The following PEAK1 variants were observed in gnomAD, a reference collection of about 807,000 sequenced individuals.
The protein encoded by PEAK1 is inactive tyrosine-protein kinase PEAK1.
A neutral mutation model predicts 124.7 loss-of-function variants in PEAK1; 54 were observed. The observed-to-expected ratio is 0.43, with a 90% CI of 0.35 to 0.54. The LOEUF is 0.54. PEAK1 is among the 20% of genes least tolerant of loss of function. PEAK1 has a pLI of 0.01. For missense variants in PEAK1, 2,046 were observed against 2,134.5 expected, an observed-to-expected ratio of 0.96 and a Z score of 0.82; for synonymous variants, 719 against 760.0, an observed-to-expected ratio of 0.95 and a Z score of 0.89.
chr15:77,325,604 C>T (rs1233264025), intron 2 of PEAK1, among the ~76,000 whole-genome samples: 1 of 151,998 alleles, frequency 6.6e-6, no homozygotes, highest in South Asian at 2.1e-4. Context: ...TTTCCATTTT[C>T]TTGGCAAATG....
Position 77,158,630 on chromosome 15 carries a change from T to C in PEAK1, c.3204A>G (p.Gln1068=). Residue 1068 remains glutamine, a synonymous_variant, in exon 8 of 10, where the codon CAA becomes CAG. Coordinates refer to ENST00000682557, the MANE Select transcript of PEAK1 (RefSeq NM_001385026.1). ...PRDPRTVVGK[Q]DGRGCTSVTT... ...TGACTGAAGTGCAGCCCCTGCCATC[T>C]TGCTTCCCAACAACAGTTCTTGGAT... The C allele has an allele frequency of 6.2e-7, 1 of 1,614,172 alleles. No homozygotes were observed.
intron 6 of PEAK1, among the ~76,000 whole-genome samples, chr15:77,219,078 G>A (rs2059271172): frequency 1.3e-5 from 2 of 152,118 alleles, no homozygotes; most frequent in South Asian, 4.1e-4. Context: ...ATTTTAGACA[G>A]AAGGATAACA....
Position 77,335,733 on chromosome 15 carries a change from C to T in PEAK1, c.-603+29430G>A. 4 of 962,228 alleles carry T rather than the reference C, an allele frequency of 4.2e-6. No homozygotes were observed. The South Asian group carries it at 1.9e-4, about 46-fold the overall frequency. The allele number at this position is 962,228 out of a possible 1,614,324, so 59.6% of individuals were successfully genotyped here. On this transcript the variant is annotated intron_variant, in intron 2 of 9. Coordinates refer to ENST00000682557, the MANE Select transcript of PEAK1 (RefSeq NM_001385026.1). Reference sequence around the variant, plus strand: ...CTCAAACTACTGACCTCAAATAATCCTCCCACTTCAGCCTCCCAAAGTGCT... The same window carrying T: ...CTCAAACTACTGACCTCAAATAATCTTCCCACTTCAGCCTCCCAAAGTGCT...
At chr15:77,224,806 T>A (rs2152885258) in intron 6 of PEAK1, among the ~76,000 whole-genome samples, 1 of 152,030 alleles carries the variant, frequency 6.6e-6, no homozygotes, top group Non-Finnish European at 1.5e-5. Flanking sequence ...TGGAGAGAGG[T>A]GTTTCAAAAT....
At chr15:77,237,797 T>C (rs1412603037) in intron 6 of PEAK1, among the ~76,000 whole-genome samples, 1 of 152,168 alleles carries the variant, frequency 6.6e-6, no homozygotes, top group African/African-American at 2.4e-5. Context: ...TTTACCAAGA[T>C]GATAATGAAA....
At position 77,290,328 on chromosome 15, in the gene PEAK1, T is replaced by C. The variant is rs183472661; in HGVS notation, c.-602-3824A>G. On this transcript the variant is annotated intron_variant, in intron 2 of 9. Transcript: ENST00000682557. ...TTAGTAGAGATGGGGTTTCATCATG[T>C]TGGCTGGTCTCAAACTCCTGACCTC... Among the ~76,000 whole-genome samples the C allele has an allele frequency of 6.4e-4, 98 of 152,298 alleles. 1 individual carries two copies. The highest frequency in any genetic ancestry group is 2.3e-3 in the African/African-American group (97 of 41,572).
chr15:77,343,521 C>T (rs781081936), intron 2 of PEAK1, among the ~76,000 whole-genome samples: 1 of 135,540 alleles, frequency 7.4e-6, no homozygotes, highest in African/African-American at 2.8e-5. Context: ...GAGTCTCGCT[C>T]CGTTGCTTAG....
downstream of PEAK1, chr15:77,103,557 T>C (rs2050716494): frequency 6.6e-6 from 1 of 152,228 alleles, no homozygotes. Flanking sequence ...TGCTCAAGCA[T>C]GGAGCTCTTA....
At chr15:77,263,718 C>T (rs921591026) in intron 5 of PEAK1, among the ~76,000 whole-genome samples, 12 of 152,058 alleles carry the variant, frequency 7.9e-5, no homozygotes, top group East Asian at 5.8e-4. Flanking sequence ...CTATTCCAAT[C>T]AATAGAAAAA....
intron 6 of PEAK1, among the ~76,000 whole-genome samples, chr15:77,243,243 C>T (rs1180994852): frequency 6.6e-6 from 1 of 152,122 alleles, no homozygotes; most frequent in African/African-American, 2.4e-5. Flanking sequence ...TTTTACATAA[C>T]CATATGTGTC....
At chr15:77,123,604 CTACTATGAGGAT>C (rs1213617944) in intron 9 of PEAK1, among the ~76,000 whole-genome samples, 1 of 152,022 alleles carries the variant, frequency 6.6e-6, no homozygotes, top group East Asian at 1.9e-4. Context: ...TGGCTTTAGT[CTACTATGAGGAT>C]ATGAGGGATT....
chr15:77,333,857 ACTC>A (rs1211408884), intron 2 of PEAK1: 1 of 554,640 alleles, frequency 1.8e-6, no homozygotes, highest in East Asian at 1.5e-4. Context: ...TCATAATGCT[ACTC>A]CTTCAAAAAT....
At chr15:77,237,291 G>T (rs908326963) in intron 6 of PEAK1, among the ~76,000 whole-genome samples, 3 of 152,056 alleles carry the variant, frequency 2.0e-5, no homozygotes, top group African/African-American at 7.2e-5. Context: ...TCTAAGAAAT[G>T]CATTAAAAAC....
In PEAK1 at chr15:77,343,937, G is replaced by A. The variant is rs561388126; in HGVS notation, c.-603+21226C>T. Among the ~76,000 whole-genome samples the A allele has an allele frequency of 5.9e-5, 9 of 152,190 alleles. 1 individual carries two copies. In the South Asian group the frequency reaches 1.9e-3, roughly 32 times the overall value. ...ATGTTGGGTTAGTTTTCTGTATGTG[G>A]AATAAGGTAGGACTCCAACTTCATT... On this transcript the variant is annotated intron_variant, in intron 2 of 9. Transcript: ENST00000682557.
intron 8 of PEAK1, among the ~76,000 whole-genome samples, chr15:77,137,412 G>A (rs1250027386): frequency 1.3e-5 from 2 of 152,264 alleles, no homozygotes; most frequent in Admixed American, 1.3e-4. Context: ...AGCTGGGAGG[G>A]AGGCTATACC....
intron 2 of PEAK1, among the ~76,000 whole-genome samples, chr15:77,304,732 C>T (rs2063989464): frequency 1.3e-5 from 2 of 152,146 alleles, no homozygotes; most frequent in Admixed American, 1.3e-4. Context: ...CAGGCATAAG[C>T]CACCACACCT....
chr15:77,141,427 G>T (rs1003387896), intron 8 of PEAK1, among the ~76,000 whole-genome samples: 13 of 152,152 alleles, frequency 8.5e-5, no homozygotes, highest in Non-Finnish European at 1.5e-4. Flanking sequence ...TCATGGATCA[G>T]AGACTTTATA....
At chr15:77,240,837 A>G (rs2060324294) in intron 6 of PEAK1, among the ~76,000 whole-genome samples, 1 of 152,164 alleles carries the variant, frequency 6.6e-6, no homozygotes, top group South Asian at 2.1e-4. Context: ...TGTGGCCAAT[A>G]AGCACATGGA....
intron 5 of PEAK1, among the ~76,000 whole-genome samples, chr15:77,283,070 C>A (rs1410759675): frequency 1.3e-5 from 2 of 152,140 alleles, no homozygotes; most frequent in East Asian, 3.9e-4. Flanking sequence ...AGAGGTGGAG[C>A]TCTGTAGGGC....
Sources: allele counts gnomAD v4.1 joint callset (sites outside exome capture counted in the v4.1 genomes callset), GRCh38; gene constraint gnomAD v4.1.1; transcripts MANE v1.5; gene names NCBI Gene and HGNC (gene_info 2026-07-23, HGNC 2026-07-21).